Variants in PFKP observed in about 807,000 individuals in gnomAD.
PFKP encodes the protein phosphofructokinase, platelet, also known as ATP-dependent 6-phosphofructokinase, platelet type.
PFKP carries 101 observed loss-of-function variants against 94.3 expected under a neutral mutation model. The ratio of observed to expected loss-of-function variants is 1.07; its 90% CI spans 0.91 to 1.26. The LOEUF is 1.26. PFKP is among the 50% of genes most tolerant of loss of function. The pLI, the probability that PFKP is intolerant of heterozygous loss-of-function variation, is 0.00. For synonymous variants in PFKP, 573 were observed against 432.6 expected, an observed-to-expected ratio of 1.32 and a Z score of -4.03; for missense variants, 1,145 against 1,103.3, an observed-to-expected ratio of 1.04 and a Z score of -0.53.
chr10:3,087,981 A>G (rs556585609), intron 2 of PFKP, among the ~76,000 whole-genome samples: 806 of 44,068 alleles, frequency 0.018, 8 homozygotes, highest in African/African-American at 0.065. Context: ...TGTATCTTTC[A>G]TTCTTTTTTT....
rs184833593 is a variant in PFKP, at chr10:3,135,369, C to T, written c.2123-367C>T. On this transcript the variant is annotated intron_variant, in intron 20 of 21. Transcript: ENST00000381125. Reference sequence around the variant, plus strand: ...ACTTTGGCTTTGATTCTTTCTACAGCGATTTTCTTTTGCTAATTTAGCTAT... The same window carrying T: ...ACTTTGGCTTTGATTCTTTCTACAGTGATTTTCTTTTGCTAATTTAGCTAT... Among the ~76,000 whole-genome samples the T allele has an allele frequency of 1.8e-4, 27 of 152,322 alleles. No individual in the cohort carries two copies. The East Asian group carries it at 2.1e-3, about 12-fold the overall frequency.
At chr10:3,125,234 G>C (rs183232329) in intron 16 of PFKP, 2 of 1,324,046 alleles carry the variant, frequency 1.5e-6, no homozygotes, top group South Asian at 2.5e-5. Context: ...ACACTGGCCT[G>C]AATGCTGTTG....
At chr10:3,098,142 A>G (rs964698021) in intron 2 of PFKP, among the ~76,000 whole-genome samples, 4 of 152,180 alleles carry the variant, frequency 2.6e-5, no homozygotes, top group South Asian at 2.1e-4. Context: ...TCCATAATCT[A>G]TGAGTCATTT....
chr10:3,128,807 A>G (rs1479719277), intron 16 of PFKP, among the ~76,000 whole-genome samples: 1 of 152,144 alleles, frequency 6.6e-6, no homozygotes, highest in Non-Finnish European at 1.5e-5. Flanking sequence ...TAGGGATAGG[A>G]CTGGGATTCC....
At chr10:3,076,145 A>G (rs1832573589) in intron 1 of PFKP, among the ~76,000 whole-genome samples, 1 of 152,140 alleles carries the variant, frequency 6.6e-6, no homozygotes, top group Admixed American at 6.5e-5. Flanking sequence ...TTTCCGTAGT[A>G]AGTCTTTGAA....
At chr10:3,129,363 AAGAAAAT>A in intron 16 of PFKP, 1 of 154,592 alleles carries the variant, frequency 6.5e-6, no homozygotes, top group Non-Finnish European at 1.4e-5. Flanking sequence ...AGCTTTTCAG[AAGAAAAT>A]AGAATAGCAC....
In PFKP at chr10:3,108,724, T is replaced by G; in HGVS notation, c.894T>G (p.Tyr298Ter). The G allele has an allele frequency of 1.9e-6, 3 of 1,613,978 alleles. No homozygotes were observed. Among genetic ancestry groups the G allele is most frequent in the Non-Finnish European group, 2.5e-6 (3 of 1,179,904 alleles). ...IKELVVTQLG[Y>*]DTRVTILGHV... is the part of the protein sequence containing the mutation. ...AGCTTGTCGTCACGCAGCTGGGCTA[T>G]GACACACGTGTGACCATCCTCGGGC... The change falls in exon 9 of 22, where the codon TAT becomes TAG. Residue 298 changes from tyrosine to a stop codon, truncating the protein, a stop_gained. Coordinates refer to ENST00000381125, the MANE Select transcript of PFKP (RefSeq NM_002627.5). LOFTEE classifies it high-confidence loss of function.
rs949326235 is a variant in PFKP, at chr10:3,093,494, C to T, written c.187-5781C>T. Among the ~76,000 whole-genome samples the T allele has an allele frequency of 9.9e-5, 15 of 152,172 alleles. No homozygotes were observed. The East Asian group carries it at 1.3e-3, about 14-fold the overall frequency. ...AGAGCCCATGCCTTCCACTAACACGCGTGCGTGCTCACCGAGCTGGCTGAC... is the reference window on the plus strand; with the variant it reads ...AGAGCCCATGCCTTCCACTAACACGTGTGCGTGCTCACCGAGCTGGCTGAC... On this transcript the variant is annotated intron_variant, in intron 2 of 21. Transcript: ENST00000381125.
intron 8 of PFKP, among the ~76,000 whole-genome samples, 170 bp from the exon 9 acceptor site, chr10:3,108,531 T>C (rs546417507): frequency 2.0e-5 from 3 of 152,268 alleles, no homozygotes; most frequent in Non-Finnish European, 4.4e-5. Context: ...TTCAGCTGCC[T>C]GTTATATACA....
At chr10:3,118,170 A>T (rs1837017600) in intron 14 of PFKP, among the ~76,000 whole-genome samples, 1 of 152,132 alleles carries the variant, frequency 6.6e-6, no homozygotes, top group Non-Finnish European at 1.5e-5. Context: ...GAAACTGGAA[A>T]TTTCCATTTA....
Position 3,100,087 on chromosome 10 carries a change from A to AAG in PFKP, c.264+740_264+741dup. On this transcript the variant is annotated intron_variant, in intron 3 of 21. Coordinates refer to ENST00000381125, the MANE Select transcript of PFKP (RefSeq NM_002627.5). ...TGTGTGTGTGTGTGTGTGTGTGTGA[A>AAG]AGAGAGTGAGTGAGAGAATGGGAAT... is the stretch of plus-strand genomic sequence containing the variant. 3.7e-5 allele frequency among the ~76,000 whole-genome samples: 4 copies of AAG among 109,086 alleles called. 1 individual carries two copies. Among genetic ancestry groups the AAG allele is most frequent in the Admixed American group, 3.5e-4 (4 of 11,444 alleles). The allele number at this position is 109,086 out of a possible 152,430, so 71.6% of individuals were successfully genotyped here.
intron 3 of PFKP, chr10:3,100,943 G>T: frequency 6.2e-7 from 1 of 1,611,926 alleles, no homozygotes; most frequent in Non-Finnish European, 8.5e-7. Context: ...GTGACTGGAG[G>T]GAGAAGCCTG....
Position 3,080,707 on chromosome 10 carries a change from AAAC to A in PFKP, c.113-1678_113-1676del, listed in dbSNP as rs1318152688. Among the ~76,000 whole-genome samples, 4 of 149,762 alleles carry A rather than the reference AAAC, an allele frequency of 2.7e-5. No homozygotes were observed. In the East Asian group the frequency reaches 5.8e-4, roughly 22 times the overall value. ...CTGTTACTTCATTTGTTTTTTTTCT[AAAC>A]AAGAAGAATATATTCATAAATTATT... On this transcript the variant is annotated intron_variant, in intron 1 of 21. Coordinates refer to ENST00000381125, the MANE Select transcript of PFKP (RefSeq NM_002627.5).
Position 3,073,384 on chromosome 10 carries a change from G to A in PFKP, c.112+5677G>A, listed in dbSNP as rs566648554. Among the ~76,000 whole-genome samples, 2 of 152,050 alleles carry A rather than the reference G, an allele frequency of 1.3e-5. 1 individual carries two copies. The highest frequency in any genetic ancestry group is 4.2e-4 in the South Asian group (2 of 4,758). On this transcript the variant is annotated intron_variant, in intron 1 of 21. Transcript: ENST00000381125. Reference sequence around the variant, plus strand: ...CTGTGCTGGGACCCCCAACCCCAGGGCCCGTGTGCTATTTTCCCAGCCTCC... The same window carrying A: ...CTGTGCTGGGACCCCCAACCCCAGGACCCGTGTGCTATTTTCCCAGCCTCC...
Position 3,113,181 on chromosome 10 carries a change from TC to T in PFKP, c.1220del (p.Pro407GlnfsTer7). 1 of 1,612,076 alleles carries T rather than the reference TC, an allele frequency of 6.2e-7. No homozygotes were observed. On this transcript the variant is annotated frameshift_variant, in exon 12 of 22. Transcript: ENST00000381125. LOFTEE classifies it high-confidence loss of function. ...GCCATCAAGCTGCCGGATGATCAGA[TC>T]CCAAAGGTAGGTGGCCGGCCTCCCG... ...RLAIKLPDDQ[I>X]PKTNCNVAVI... is the part of the protein sequence containing the mutation.
chr10:3,104,549 C>A lies in PFKP; in HGVS notation c.621-566C>A, dbSNP rs1010216414. Among the ~76,000 whole-genome samples the A allele has an allele frequency of 2.0e-5, 3 of 152,234 alleles. No individual in the cohort carries two copies. The East Asian group carries it at 5.8e-4, about 29-fold the overall frequency. ...ATGGCGCCTCCCAGTCCTCTGTGTG[C>A]GTGTCCTGTTCCCAGTGACGCCTCA... On this transcript the variant is annotated intron_variant, in intron 5 of 21. Coordinates refer to ENST00000381125, the MANE Select transcript of PFKP (RefSeq NM_002627.5).
chr10:3,104,957 C>A, intron 5 of PFKP, 158 bp from the exon 6 acceptor site: 1 of 708,512 alleles, frequency 1.4e-6, no homozygotes, highest in Non-Finnish European at 2.5e-6. Flanking sequence ...AGAAAATGGA[C>A]CATTTTTGAA....
intron 16 of PFKP, among the ~76,000 whole-genome samples, chr10:3,122,096 T>C (rs970303110): frequency 2.0e-5 from 3 of 152,116 alleles, no homozygotes; most frequent in Admixed American, 2.0e-4. Context: ...GCACAGGGGT[T>C]ACAGGGATGA....
chr10:3,083,934 C>G (rs557997676), intron 2 of PFKP, among the ~76,000 whole-genome samples: 1 of 152,274 alleles, frequency 6.6e-6, no homozygotes, highest in South Asian at 2.1e-4. Flanking sequence ...TGAGCCGCCG[C>G]GCCCAGCCAA....
Sources: allele counts gnomAD v4.1 joint callset (sites outside exome capture counted in the v4.1 genomes callset), GRCh38; gene constraint gnomAD v4.1.1; transcripts MANE v1.5; gene names NCBI Gene and HGNC (gene_info 2026-07-23, HGNC 2026-07-21).